Variants in SEPTIN9 observed in about 807,000 individuals in gnomAD.
SEPTIN9 encodes the protein septin 9.
SEPTIN9 carries 13 observed loss-of-function variants against 56.6 expected under a neutral mutation model. That is an observed-to-expected ratio of 0.23 (90% CI 0.15 to 0.37). SEPTIN9 has a LOEUF of 0.37. SEPTIN9 is among the 10% of genes least tolerant of loss of function. The pLI is 1.00. For missense variants in SEPTIN9, 650 were observed against 823.1 expected (o/e 0.79, Z 2.57); for synonymous variants, 332 against 334.1 (o/e 0.99, Z 0.07).
chr17:77,431,577 C>G (rs2037133578), intron 3 of SEPTIN9, among the ~76,000 whole-genome samples: 1 of 152,066 alleles, frequency 6.6e-6, no homozygotes, highest in African/African-American at 2.4e-5. Flanking sequence ...TGGTTCACGT[C>G]TATAATCCCA....
At chr17:77,350,600 C>A (rs1276762043) in intron 2 of SEPTIN9, among the ~76,000 whole-genome samples, 1 of 124,724 alleles carries the variant, frequency 8.0e-6, no homozygotes, top group East Asian at 2.2e-4. Context: ...TCTCTTCTCT[C>A]CTCCAGTGCA....
intron 2 of SEPTIN9, chr17:77,376,277 C>A (rs1024852448): frequency 4.2e-5 from 41 of 985,830 alleles, no homozygotes; most frequent in Non-Finnish European, 4.8e-5. Flanking sequence ...GGCATGCCCG[C>A]CGGGAGTGCA....
At chr17:77,399,833 G>C (rs761693951) in intron 2 of SEPTIN9, among the ~76,000 whole-genome samples, 1 of 152,116 alleles carries the variant, frequency 6.6e-6, no homozygotes, top group African/African-American at 2.4e-5. Flanking sequence ...ACCATGTCGG[G>C]AGCCCACACC....
At chr17:77,428,770 C>T (rs935490849) in intron 3 of SEPTIN9, among the ~76,000 whole-genome samples, 5 of 152,136 alleles carry the variant, frequency 3.3e-5, no homozygotes, top group African/African-American at 1.2e-4. Context: ...CACTTCCCAG[C>T]TGGTGGGGTT....
chr17:77,398,446 C>T (rs890541187), intron 2 of SEPTIN9, among the ~76,000 whole-genome samples: 11 of 152,080 alleles, frequency 7.2e-5, no homozygotes, highest in Non-Finnish European at 1.5e-4. Context: ...TGTGGGAGGC[C>T]AGCTCCCCGG....
rs1487027341 is a variant in SEPTIN9, at chr17:77,449,442, A to C, written c.722-32702A>C. 6.6e-6 allele frequency among the ~76,000 whole-genome samples: 1 copy of C among 152,054 alleles called. No homozygotes were observed. The highest frequency in any genetic ancestry group is 1.5e-5 in the Non-Finnish European group (1 of 68,004). On this transcript the variant is annotated intron_variant, in intron 3 of 11. Coordinates refer to ENST00000427177, the MANE Select transcript of SEPTIN9 (RefSeq NM_001113491.2). This position sits in a 1 kb window ranked among gnomAD's most constrained non-coding sequence, Gnocchi z 4.6. ...GAGGAGGGGAGGAGGCTGGGCTTGG[A>C]GGAGAGCAGGGTCTTGGGCCCTGGG...
intron 1 of SEPTIN9, among the ~76,000 whole-genome samples, chr17:77,284,376 G>A (rs922823144): frequency 1.3e-5 from 2 of 152,234 alleles, no homozygotes; most frequent in Non-Finnish European, 1.5e-5. Context: ...GGGGACACTG[G>A]GGACAGGTTC....
rs2036850348 is a variant in SEPTIN9 at position 77,425,030 on chromosome 17, T to C, written c.721+22327T>C. Among the ~76,000 whole-genome samples the C allele has an allele frequency of 6.6e-6, 1 of 152,150 alleles. No individual in the cohort carries two copies. The highest frequency in any genetic ancestry group is 1.5e-5 in the Non-Finnish European group (1 of 68,026). ...TTACGCATAGTTGGGCGAAGTCGAGTGACCACATGTGGAAGTCTAGCGTCC... is the reference window on the plus strand; with the variant it reads ...TTACGCATAGTTGGGCGAAGTCGAGCGACCACATGTGGAAGTCTAGCGTCC... On this transcript the variant is annotated intron_variant, in intron 3 of 11. Coordinates refer to ENST00000427177, the MANE Select transcript of SEPTIN9 (RefSeq NM_001113491.2). The surrounding 1 kb of genome is among the most constrained non-coding windows in gnomAD (Gnocchi z 4.2).
chr17:77,327,859 C>T lies in SEPTIN9; in HGVS notation c.76+20662C>T, dbSNP rs1413555351. On this transcript the variant is annotated intron_variant, in intron 2 of 11. Transcript: ENST00000427177. This position sits in a 1 kb window ranked among gnomAD's most constrained non-coding sequence, Gnocchi z 5.0. ...GAAAGCTTGAAAATGCTCTTTGGAC[C>T]GATTTGCTGGAACAGACGGGTGTGA... Among the ~76,000 whole-genome samples the T allele has an allele frequency of 6.6e-6, 1 of 152,198 alleles. No individual in the cohort carries two copies. The highest frequency in any genetic ancestry group is 2.4e-5 in the African/African-American group (1 of 41,442).
chr17:77,340,404 G>C (rs577883766), intron 2 of SEPTIN9, among the ~76,000 whole-genome samples: 3 of 152,294 alleles, frequency 2.0e-5, no homozygotes, highest in Admixed American at 6.5e-5. Context: ...GCCTTCAAAA[G>C]TGCTGGGATT....
intron 2 of SEPTIN9, among the ~76,000 whole-genome samples, chr17:77,362,314 G>C (rs1454269841): frequency 6.6e-6 from 1 of 152,222 alleles, no homozygotes; most frequent in South Asian, 2.1e-4. Context: ...CCTGTGACCA[G>C]AGTAGCCGTG....
At chr17:77,299,367 A>G (rs2031942194) in intron 1 of SEPTIN9, among the ~76,000 whole-genome samples, 1 of 152,214 alleles carries the variant, frequency 6.6e-6, no homozygotes, top group Admixed American at 6.5e-5. Flanking sequence ...TTTTAGTATA[A>G]GCATATCCCA....
Position 77,402,011 on chromosome 17 carries a change from T to G in SEPTIN9, c.77-48T>G. The G allele has an allele frequency of 6.3e-7, 1 of 1,583,726 alleles. No individual in the cohort carries two copies. The highest frequency in any genetic ancestry group is 1.1e-5 in the South Asian group (1 of 87,678). ...CTTAGCAGGAAACATGCCGGAGTGT[T>G]CCCTAGCCATCCATTCACCAATTGC... On this transcript the variant is annotated intron_variant, in intron 2 of 11. Transcript: ENST00000427177. This position sits in a 1 kb window ranked among gnomAD's most constrained non-coding sequence, Gnocchi z 6.6.
In SEPTIN9 at chr17:77,475,934, GCT is replaced by G; in HGVS notation, c.722-6207_722-6206del. The G allele has an allele frequency of 1.3e-6, 2 of 1,587,914 alleles. No homozygotes were observed. On this transcript the variant is annotated intron_variant, in intron 3 of 11. Transcript: ENST00000427177. This position sits in a 1 kb window ranked among gnomAD's most constrained non-coding sequence, Gnocchi z 4.6. ...TGGGGATGTGGCCATTTCGGTCCGT[GCT>G]CTGAGAGCCAGGTGTGGGTTGGGTT...
At chr17:77,303,450 A>C (rs62079504) in intron 1 of SEPTIN9, among the ~76,000 whole-genome samples, 102,163 of 150,570 alleles carry the variant, frequency 0.68, 35,305 homozygotes, top group East Asian at 0.92. Flanking sequence ...AACGGTGACT[A>C]ACGCCTGTAA....
chr17:77,327,329 A>AC lies in SEPTIN9; in HGVS notation c.76+20139dup, dbSNP rs1008599862. On this transcript the variant is annotated intron_variant, in intron 2 of 11. Coordinates refer to ENST00000427177, the MANE Select transcript of SEPTIN9 (RefSeq NM_001113491.2). The surrounding 1 kb of genome is among the most constrained non-coding windows in gnomAD (Gnocchi z 5.0). ...TCCTGGCCCGTCTCTTGCTCTGGGCACCCCCCCACTCCGAACGGCCAGAGC... is the reference window on the plus strand; with the variant it reads ...TCCTGGCCCGTCTCTTGCTCTGGGCACCCCCCCCACTCCGAACGGCCAGAGC... Among the ~76,000 whole-genome samples, 5 of 149,156 alleles carry AC rather than the reference A, an allele frequency of 3.4e-5. No individual in the cohort carries two copies. Among genetic ancestry groups the AC allele is most frequent in the East Asian group, 3.9e-4 (2 of 5,106 alleles).
chr17:77,431,974 AT>A, intron 3 of SEPTIN9, among the ~76,000 whole-genome samples: 1 of 152,248 alleles, frequency 6.6e-6, no homozygotes, highest in South Asian at 2.1e-4. Context: ...GTTCAAAAAA[AT>A]GTTTCGTGGC....
intron 3 of SEPTIN9, among the ~76,000 whole-genome samples, chr17:77,467,101 C>T (rs1392707813): frequency 6.6e-6 from 1 of 152,226 alleles, no homozygotes; most frequent in Non-Finnish European, 1.5e-5. Context: ...CATGTCACGT[C>T]AGGCTTTTCA....
intron 7 of SEPTIN9, among the ~76,000 whole-genome samples, chr17:77,489,517 T>A (rs2143370582): frequency 6.6e-6 from 1 of 152,274 alleles, no homozygotes; most frequent in East Asian, 1.9e-4. Context: ...GAGCCAGGGC[T>A]GGGAGGAGGA....
Sources: gnomAD v4.1 joint callset for allele counts (sites outside exome capture counted in the v4.1 genomes callset) on GRCh38, gnomAD v4.1.1 for gene constraint, Gnocchi (gnomAD v3.1) non-coding constraint, MANE v1.5 for transcripts, NCBI Gene and HGNC (gene_info 2026-07-23, HGNC 2026-07-21) for gene names.